PTPRD: variants seen among roughly 807,000 people sequenced by gnomAD.
PTPRD encodes protein tyrosine phosphatase receptor type D, also known as receptor-type tyrosine-protein phosphatase delta.
In PTPRD, 34 loss-of-function variants were observed where a neutral mutation model predicts 214.5. That is an observed-to-expected ratio of 0.16 (90% CI 0.12 to 0.21). PTPRD has a LOEUF of 0.21. Among genes scored for constraint, PTPRD ranks in the 10% least tolerant of loss-of-function variants. The pLI, the probability that PTPRD is intolerant of heterozygous loss-of-function variation, is 1.00. For synonymous variants in PTPRD, 1,128 were observed against 845.7 expected, an observed-to-expected ratio of 1.33 and a Z score of -5.79; for missense variants, 2,545 against 2,398.7, an observed-to-expected ratio of 1.06 and a Z score of -1.27.
At chr9:9,781,429 A>C (rs1225422057) in intron 5 of PTPRD, among the ~76,000 whole-genome samples, 4 of 152,214 alleles carry the variant, frequency 2.6e-5, no homozygotes, top group Non-Finnish European at 5.9e-5. Flanking sequence ...TGTAATGGGA[A>C]AAAAAGAAAG....
chr9:10,533,964 T>A (rs1213433549), intron 2 of PTPRD, among the ~76,000 whole-genome samples: 1 of 151,504 alleles, frequency 6.6e-6, no homozygotes, highest in Non-Finnish European at 1.5e-5. Flanking sequence ...GCCTATTTTT[T>A]TCTAAGGGAA....
At chr9:9,808,796 G>C (rs1427659087) in intron 5 of PTPRD, among the ~76,000 whole-genome samples, 1 of 151,996 alleles carries the variant, frequency 6.6e-6, no homozygotes, top group Non-Finnish European at 1.5e-5. Flanking sequence ...TTTAGATACT[G>C]GGTCTTGCTT....
intron 9 of PTPRD, among the ~76,000 whole-genome samples, chr9:9,199,453 T>C (rs1465469931): frequency 6.6e-6 from 1 of 152,068 alleles, no homozygotes; most frequent in Non-Finnish European, 1.5e-5. Context: ...GTAAAATGCA[T>C]CTCTACTGGT....
intron 10 of PTPRD, among the ~76,000 whole-genome samples, chr9:9,061,555 C>G (rs1226771965): frequency 6.6e-6 from 1 of 152,094 alleles, no homozygotes; most frequent in Non-Finnish European, 1.5e-5. Context: ...CTAATACACC[C>G]CAAGGTTGTC....
intron 11 of PTPRD, among the ~76,000 whole-genome samples, chr9:8,963,508 G>A (rs566071004): frequency 1.3e-5 from 2 of 152,108 alleles, no homozygotes; most frequent in Non-Finnish European, 2.9e-5. Context: ...CATGTCTATT[G>A]AGATGACCAT....
At chr9:10,572,496 C>A (rs887793901) in intron 2 of PTPRD, among the ~76,000 whole-genome samples, 2 of 152,068 alleles carry the variant, frequency 1.3e-5, no homozygotes, top group Non-Finnish European at 2.9e-5. Flanking sequence ...TAAAGTGGGA[C>A]AAAGAATGAT....
chr9:10,185,010 A>T (rs1421323352), intron 3 of PTPRD, among the ~76,000 whole-genome samples: 1 of 152,194 alleles, frequency 6.6e-6, no homozygotes, highest in East Asian at 1.9e-4. Context: ...AAAAAATCAG[A>T]CACTCTATTT....
intron 5 of PTPRD, among the ~76,000 whole-genome samples, chr9:9,897,389 T>A (rs192111899): frequency 3.0e-4 from 45 of 152,212 alleles, no homozygotes; most frequent in African/African-American, 1.1e-3. Context: ...AGAAAAATAT[T>A]TATTAGGATT....
intron 14 of PTPRD, among the ~76,000 whole-genome samples, chr9:8,586,237 T>C (rs2093647704): frequency 7.0e-6 from 1 of 143,840 alleles, no homozygotes; most frequent in Non-Finnish European, 1.5e-5. Context: ...GAGGTGGAAG[T>C]TGCGGTGAGC....
intron 2 of PTPRD, among the ~76,000 whole-genome samples, chr9:10,389,069 G>C (rs1225961305): frequency 2.0e-5 from 3 of 151,774 alleles, no homozygotes; most frequent in Non-Finnish European, 4.4e-5. Flanking sequence ...CAGAGAAATG[G>C]AACGTGGCCA....
chr9:10,252,853 G>A lies in PTPRD; in HGVS notation c.-545+88110C>T, dbSNP rs186572051. Among the ~76,000 whole-genome samples the A allele has an allele frequency of 4.0e-3, 610 of 152,080 alleles. 7 individuals carry two copies. Among genetic ancestry groups the A allele is most frequent in the African/African-American group, 0.013 (556 of 41,514 alleles). On this transcript the variant is annotated intron_variant, in intron 3 of 45. Transcript: ENST00000381196. Reference sequence around the variant, plus strand: ...GGCTGGAGTACAGTGGCATGATCTCGACTCACTGCAACCTCCGCCTCCCGG... The same window carrying A: ...GGCTGGAGTACAGTGGCATGATCTCAACTCACTGCAACCTCCGCCTCCCGG...
At chr9:9,142,259 C>T (rs960702180) in intron 10 of PTPRD, among the ~76,000 whole-genome samples, 1 of 152,192 alleles carries the variant, frequency 6.6e-6, no homozygotes, top group Admixed American at 6.5e-5. Flanking sequence ...AACTCTGATG[C>T]CTCCCTCCTG....
At chr9:9,895,180 A>C (rs1478171099) in intron 5 of PTPRD, among the ~76,000 whole-genome samples, 1 of 152,090 alleles carries the variant, frequency 6.6e-6, no homozygotes, top group African/African-American at 2.4e-5. Context: ...CCTGACTCAA[A>C]AGATGCATTT....
At chr9:8,769,729 A>G (rs1276287779) in intron 11 of PTPRD, among the ~76,000 whole-genome samples, 1 of 151,990 alleles carries the variant, frequency 6.6e-6, no homozygotes, top group Non-Finnish European at 1.5e-5. Context: ...CTCTTAAAAA[A>G]CTTTATTGTT....
intron 9 of PTPRD, among the ~76,000 whole-genome samples, chr9:9,197,841 CTTT>C (rs1358890537): frequency 6.6e-6 from 1 of 152,140 alleles, no homozygotes; most frequent in East Asian, 1.9e-4. Context: ...TGTATTTCTA[CTTT>C]TTATCTTTTT....
chr9:8,973,953 G>C (rs1335386260), intron 11 of PTPRD, among the ~76,000 whole-genome samples: 4 of 151,922 alleles, frequency 2.6e-5, no homozygotes, highest in Admixed American at 1.3e-4. Flanking sequence ...ATAGATTCTA[G>C]ACATTAGACC....
chr9:8,732,911 C>T (rs2098675483), intron 12 of PTPRD, among the ~76,000 whole-genome samples: 1 of 152,170 alleles, frequency 6.6e-6, no homozygotes, highest in African/African-American at 2.4e-5. Context: ...AGATGTCACA[C>T]ATTTTACTCA....
intron 9 of PTPRD, among the ~76,000 whole-genome samples, chr9:9,348,316 T>A (rs1051396754): frequency 2.6e-5 from 4 of 152,080 alleles, no homozygotes; most frequent in African/African-American, 7.2e-5. Flanking sequence ...GACTAGAAAA[T>A]AGTTTTCTAC....
chr9:9,096,344 G>A (rs58894346), intron 10 of PTPRD, among the ~76,000 whole-genome samples: 21,135 of 151,866 alleles, frequency 0.14, 1,717 homozygotes, highest in East Asian at 0.23. Flanking sequence ...TTAAATATAC[G>A]CAATACAATT....
Sources: allele counts gnomAD v4.1 joint callset (sites outside exome capture counted in the v4.1 genomes callset), GRCh38; gene constraint gnomAD v4.1.1; transcripts MANE v1.5; gene names NCBI Gene and HGNC (gene_info 2026-07-23, HGNC 2026-07-21).